The following SUCO variants were observed in gnomAD, a reference collection of about 807,000 sequenced individuals.
SUCO encodes SUN domain-containing ossification factor.
A neutral mutation model predicts 148.1 loss-of-function variants in SUCO; 57 were observed. The ratio of observed to expected loss-of-function variants is 0.38; its 90% CI spans 0.31 to 0.48. SUCO has a LOEUF of 0.48. SUCO is among the 20% of genes least tolerant of loss of function. The pLI, the probability that SUCO is intolerant of heterozygous loss-of-function variation, is 0.96. For missense variants in SUCO, 1,331 were observed against 1,468.2 expected (o/e 0.91, Z 1.53); for synonymous variants, 470 against 502.7 (o/e 0.93, Z 0.87).
At position 172,569,080 on chromosome 1, in the gene SUCO, C is replaced by T. The variant is rs779965911; in HGVS notation, c.794C>T (p.Pro265Leu). Residue 265 changes from proline to leucine, a missense_variant, in exon 7 of 24, where the codon CCA becomes CTA. By Grantham distance (98) the Pro-to-Leu change is moderately conservative (BLOSUM62 -3). This residue lies in a region of SUCO where 992 missense variants were observed against 1,093.5 expected (regional missense o/e 0.91). Transcript: ENST00000263688. Reference protein sequence around the residue: ...DPTSVASPKDPEDIPTFDEWK... With the variant: ...DPTSVASPKDLEDIPTFDEWK... Reference sequence around the variant, plus strand: ...ACATCAGTAGCAAGTCCCAAAGATCCAGAAGATATACCAACATTTGATGAA... The same window carrying T: ...ACATCAGTAGCAAGTCCCAAAGATCTAGAAGATATACCAACATTTGATGAA... 2 of 1,594,914 alleles carry T rather than the reference C, an allele frequency of 1.3e-6. No individual in the cohort carries two copies. Among genetic ancestry groups the T allele is most frequent in the Non-Finnish European group, 1.7e-6 (2 of 1,172,182 alleles).
At chr1:172,563,486 G>T (rs78261781) in intron 6 of SUCO, among the ~76,000 whole-genome samples, 5,114 of 152,290 alleles carry the variant, frequency 0.034, 260 homozygotes, top group African/African-American at 0.11. Flanking sequence ...TCTGCTTTAA[G>T]GATCTGTGGG....
chr1:172,569,092 C>G lies in SUCO; in HGVS notation c.806C>G (p.Pro269Arg). Reference protein sequence around the residue: ...VASPKDPEDIPTFDEWKKKVM... With the variant: ...VASPKDPEDIRTFDEWKKKVM... ...AGTCCCAAAGATCCAGAAGATATAC[C>G]AACATTTGATGAATGGAAGAAGAAA... The change falls in exon 7 of 24, where the codon CCA (proline) becomes CGA (arginine). Residue 269 changes from proline to arginine, a missense_variant. This residue lies in a region of SUCO where 992 missense variants were observed against 1,093.5 expected (regional missense o/e 0.91). Coordinates refer to ENST00000263688, the MANE Select transcript of SUCO (RefSeq NM_014283.5). The G allele has an allele frequency of 6.3e-7, 1 of 1,586,076 alleles. No homozygotes were observed. Among genetic ancestry groups the G allele is most frequent in the Non-Finnish European group, 8.6e-7 (1 of 1,167,068 alleles).
intron 19 of SUCO, among the ~76,000 whole-genome samples, chr1:172,596,566 G>A (rs2149266302): frequency 6.6e-6 from 1 of 152,314 alleles, no homozygotes; most frequent in African/African-American, 2.4e-5. Context: ...AACCCTGTTT[G>A]CCTGGGTATC....
At chr1:172,586,191 A>G (rs1213168973) in intron 17 of SUCO, among the ~76,000 whole-genome samples, 1 of 152,064 alleles carries the variant, frequency 6.6e-6, no homozygotes, top group Non-Finnish European at 1.5e-5. Flanking sequence ...TATTACTTTC[A>G]TTATTCACAA....
At chr1:172,609,379 G>C in intron 23 of SUCO, 1 of 974,616 alleles carries the variant, frequency 1.0e-6, no homozygotes, top group Non-Finnish European at 1.2e-6. Context: ...AATAGCCTAA[G>C]ATTCATTCTC....
chr1:172,590,290 AG>A (rs1434492228), intron 18 of SUCO: 44 of 974,016 alleles, frequency 4.5e-5, no homozygotes, highest in Non-Finnish European at 5.1e-5. Context: ...TAAAGCTTTT[AG>A]TGGAATTTGA....
intron 1 of SUCO, chr1:172,542,968 A>G: frequency 1.0e-6 from 1 of 985,378 alleles, no homozygotes; most frequent in Non-Finnish European, 1.2e-6. Context: ...GAATAATAGA[A>G]GATATTTGGA....
At chr1:172,583,206 C>T (rs1399073792) in intron 15 of SUCO, among the ~76,000 whole-genome samples, 2 of 151,738 alleles carry the variant, frequency 1.3e-5, no homozygotes, top group African/African-American at 2.4e-5. Context: ...TGAGGGAATA[C>T]GGAGTTTCCA....
In SUCO at chr1:172,589,604, G is replaced by A. The variant is rs547712281; in HGVS notation, c.2503G>A (p.Asp835Asn). Residue 835 changes from aspartate to asparagine, a missense_variant, in exon 18 of 24, where the codon GAC becomes AAC. By Grantham distance (23) the Asp-to-Asn change is conservative. Coordinates refer to ENST00000263688, the MANE Select transcript of SUCO (RefSeq NM_014283.5). ...VPPINTATVP[D>N]NEDGEAKMNI... is the part of the protein sequence containing the mutation. ...ACCAATAAATACAGCCACTGTACCC[G>A]ACAATGAAGATGGGGAAGCCAAAAT... is the stretch of plus-strand genomic sequence containing the variant. 65 of 1,613,846 alleles carry A rather than the reference G, an allele frequency of 4.0e-5. No individual in the cohort carries two copies. The East Asian group carries it at 4.7e-4, about 12-fold the overall frequency.
At chr1:172,581,412 T>G (rs150073919) in intron 15 of SUCO, among the ~76,000 whole-genome samples, 25 of 152,274 alleles carry the variant, frequency 1.6e-4, no homozygotes, top group African/African-American at 5.8e-4. Context: ...CCTGAAGTTT[T>G]AGAACAAGAG....
At chr1:172,569,328 T>G in intron 7 of SUCO, 186 bp downstream of exon 7, 1 of 878,868 alleles carries the variant, frequency 1.1e-6, no homozygotes, top group Non-Finnish European at 1.4e-6. Context: ...ACATACAGTT[T>G]TAGTTTTAAT....
In SUCO at chr1:172,600,100, G is replaced by T. The variant is rs754634522; in HGVS notation, c.2950G>T (p.Ala984Ser). 1 of 1,609,668 alleles carries T rather than the reference G, an allele frequency of 6.2e-7. No individual in the cohort carries two copies. Among genetic ancestry groups the T allele is most frequent in the Non-Finnish European group, 8.5e-7 (1 of 1,179,106 alleles). Residue 984 changes from alanine to serine, a missense_variant, in exon 20 of 24, where the codon GCA becomes TCA. By Grantham distance (99) the Ala-to-Ser change is moderately conservative. Coordinates refer to ENST00000263688, the MANE Select transcript of SUCO (RefSeq NM_014283.5). ...AACTGAAGCCATCCAGTTGCTACAG[G>T]CACAGCTGACCAACATGACACAGCT... is the stretch of plus-strand genomic sequence containing the variant. ...RQTEAIQLLQ[A>S]QLTNMTQLVS...
chr1:172,595,140 A>T (rs1657000022), intron 19 of SUCO, among the ~76,000 whole-genome samples: 1 of 152,072 alleles, frequency 6.6e-6, no homozygotes. Context: ...TGTTTGGTAG[A>T]TCTTCCTCCA....
chr1:172,561,564 A>G (rs1308601933), intron 6 of SUCO, among the ~76,000 whole-genome samples: 3 of 152,188 alleles, frequency 2.0e-5, no homozygotes, highest in Non-Finnish European at 4.4e-5. Context: ...TGACAACATG[A>G]TATCTGCGGT....
rs1293347964 is a variant in SUCO at position 172,551,572 on chromosome 1, C to T, written c.123C>T (p.Tyr41=). The T allele has an allele frequency of 1.2e-6, 2 of 1,611,196 alleles. No homozygotes were observed. The highest frequency in any genetic ancestry group is 2.2e-5 in the East Asian group (1 of 44,730). Residue 41 remains tyrosine (Y), a synonymous_variant, in exon 2 of 24, where the codon TAC becomes TAT. Transcript: ENST00000263688. The part of the protein sequence containing the change: ...ESSSASASSY[Y]SQDDNCALEN... ...CTTCAGCTTCAGCGTCATCATATTA[C>T]TCTCAAGATGACAACTGCGCACTAG...
chr1:172,594,566 C>T (rs1215691660), intron 19 of SUCO, among the ~76,000 whole-genome samples: 2 of 152,146 alleles, frequency 1.3e-5, no homozygotes, highest in Non-Finnish European at 2.9e-5. Flanking sequence ...GCAGATTGTT[C>T]AGTTTCCATG....
Position 172,579,186 on chromosome 1 carries a change from TTTTCG to T in SUCO, c.1433-12_1433-8del, listed in dbSNP as rs1217596855. 6.1e-6 allele frequency: 9 copies of T among 1,467,508 alleles called. No individual in the cohort carries two copies. Among genetic ancestry groups the T allele is most frequent in the Non-Finnish European group, 8.6e-6 (9 of 1,050,980 alleles). 90.9% of individuals were successfully genotyped at this position (1,467,508 alleles called of 1,614,324 possible). ...CTAGATCTCAGCATAATTACTTTTATTTTCGTTTTTAACAGATTATCCACTGGATT... is the reference window on the plus strand; with the variant it reads ...CTAGATCTCAGCATAATTACTTTTATTTTTTAACAGATTATCCACTGGATT... On this transcript the variant is annotated splice_polypyrimidine_tract_variant and intron_variant, in intron 14 of 23. Transcript: ENST00000263688.
At chr1:172,594,631 T>C (rs1656944708) in intron 19 of SUCO, among the ~76,000 whole-genome samples, 1 of 152,354 alleles carries the variant, frequency 6.6e-6, no homozygotes, top group South Asian at 2.1e-4. Flanking sequence ...TCGATTGCAC[T>C]GTGGTCTGAG....
chr1:172,598,549 C>T (rs537465565), intron 19 of SUCO, among the ~76,000 whole-genome samples: 2 of 152,288 alleles, frequency 1.3e-5, no homozygotes, highest in East Asian at 1.9e-4. Context: ...AATATTAAGG[C>T]TTCTGACTCA....
Sources: allele counts gnomAD v4.1 joint callset (sites outside exome capture counted in the v4.1 genomes callset), GRCh38; gene constraint gnomAD v4.1.1; regional missense constraint gnomAD v4.1.1; transcripts MANE v1.5; gene names NCBI Gene and HGNC (gene_info 2026-07-23, HGNC 2026-07-21).